AFF4: variants seen among roughly 807,000 people sequenced by gnomAD.
AFF4 encodes the protein AF4/FMR2 family member 4.
A neutral mutation model predicts 124.8 loss-of-function variants in AFF4; 13 were observed. That is an observed-to-expected ratio of 0.10 (90% CI 0.07 to 0.17). The LOEUF (loss-of-function observed/expected upper bound fraction) is 0.17. Among genes scored for constraint, AFF4 ranks in the 10% least tolerant of loss-of-function variants. AFF4 has a pLI of 1.00. For missense variants in AFF4, 1,092 were observed against 1,403.8 expected (o/e 0.78, Z 3.55); for synonymous variants, 477 against 496.1 (o/e 0.96, Z 0.51).
chr5:132,922,354 A>C (rs908673726), intron 5 of AFF4, among the ~76,000 whole-genome samples: 5 of 151,756 alleles, frequency 3.3e-5, no homozygotes, highest in African/African-American at 1.2e-4. Flanking sequence ...GGAGTTCGTG[A>C]GTGCAATGAG....
intron 1 of AFF4, chr5:132,948,830 G>A (rs1761760275): frequency 1.3e-5 from 2 of 153,186 alleles, no homozygotes; most frequent in Non-Finnish European, 1.5e-5. Context: ...TTGCCTGTTT[G>A]GGGCATCAGC....
chr5:132,925,340 C>T (rs1304413162), intron 5 of AFF4, among the ~76,000 whole-genome samples: 2 of 151,336 alleles, frequency 1.3e-5, no homozygotes, highest in East Asian at 3.9e-4. Context: ...AAACTAAAAA[C>T]CACATTAAAA....
intron 7 of AFF4, among the ~76,000 whole-genome samples, chr5:132,900,562 AAAAAC>A (rs1429238357): frequency 6.6e-6 from 1 of 152,198 alleles, no homozygotes; most frequent in African/African-American, 2.4e-5. Context: ...TCTGTCTCAA[AAAAAC>A]AAAACAAAAC....
At chr5:132,949,638 A>G (rs1308611425) in intron 1 of AFF4, among the ~76,000 whole-genome samples, 3 of 151,632 alleles carry the variant, frequency 2.0e-5, no homozygotes, top group Admixed American at 2.0e-4. Context: ...TCACGAGGCC[A>G]GGAGATTGAG....
chr5:132,876,485 T>C lies in AFF4; in HGVS notation c.*4574A>G, dbSNP rs920024674. 8 of 220,118 alleles carry C rather than the reference T, an allele frequency of 3.6e-5. No homozygotes were observed. Among genetic ancestry groups the C allele is most frequent in the Non-Finnish European group, 7.3e-5 (8 of 109,626 alleles). The allele number at this position is 220,118 out of a possible 1,614,324, so 13.6% of individuals were successfully genotyped here. A position where few individuals can be genotyped will look rare whatever the true frequency, so the allele number is the denominator to read the frequency against. Reference sequence around the variant, plus strand: ...CTAGAGTTTCTGGGTGGGAGCTTTTTTATTTTTAAGAATGGCAAGTTATGT... The same window carrying C: ...CTAGAGTTTCTGGGTGGGAGCTTTTCTATTTTTAAGAATGGCAAGTTATGT... On this transcript the variant is annotated 3_prime_UTR_variant, in exon 21 of 21. Transcript: ENST00000265343.
chr5:132,959,747 G>C (rs925050920), intron 1 of AFF4, among the ~76,000 whole-genome samples: 2 of 148,860 alleles, frequency 1.3e-5, no homozygotes, highest in African/African-American at 5.0e-5. Context: ...CAACAAGTAG[G>C]AGTGCTTTTC....
chr5:132,888,272 T>C, intron 14 of AFF4, 112 bp from the exon 15 acceptor site: 1 of 750,678 alleles, frequency 1.3e-6, no homozygotes, highest in Non-Finnish European at 2.1e-6. Context: ...GAAAATGAGC[T>C]GTTACTAAGA....
At chr5:132,955,688 G>A (rs779339796) in intron 1 of AFF4, among the ~76,000 whole-genome samples, 42 of 147,940 alleles carry the variant, frequency 2.8e-4, no homozygotes, top group South Asian at 8.4e-4. Flanking sequence ...TGAGGCAGGA[G>A]AATCGCTTGA....
Position 132,880,745 on chromosome 5 carries a change from A to T in AFF4, c.*314T>A, listed in dbSNP as rs1020514486. On this transcript the variant is annotated 3_prime_UTR_variant, in exon 21 of 21. Transcript: ENST00000265343. ...TAGCCCCAATCTGGGAACTTAAAAA[A>T]ATTAAAATAAATAAAATTTCAATTC... The T allele has an allele frequency of 2.8e-5, 8 of 288,694 alleles. No individual in the cohort carries two copies. Among genetic ancestry groups the T allele is most frequent in the Non-Finnish European group, 4.5e-5 (7 of 157,150 alleles). 17.9% of individuals were successfully genotyped at this position (288,694 alleles called of 1,614,324 possible).
At chr5:132,936,162 G>T (rs537308386) in intron 2 of AFF4, among the ~76,000 whole-genome samples, 11 of 149,634 alleles carry the variant, frequency 7.4e-5, no homozygotes, top group Non-Finnish European at 1.3e-4. Flanking sequence ...AGCTACTCTG[G>T]AGGCTTAGGC....
rs139287534 is a variant in AFF4, at chr5:132,921,556, C to T, written c.1050+5565G>A. Among the ~76,000 whole-genome samples, 22 of 151,876 alleles carry T rather than the reference C, an allele frequency of 1.4e-4. No homozygotes were observed. The East Asian group carries it at 4.1e-3, about 28-fold the overall frequency. On this transcript the variant is annotated intron_variant, in intron 5 of 20. Transcript: ENST00000265343. The stretch of plus-strand genomic sequence containing the variant: ...CGATCTCGGCTCACTGCAACCTCCA[C>T]CTCCCAGCTTCAAGTGATTCTCCTG...
At chr5:132,890,432 C>A (rs1408355935) in intron 13 of AFF4, among the ~76,000 whole-genome samples, 1 of 151,996 alleles carries the variant, frequency 6.6e-6, no homozygotes, top group Admixed American at 6.6e-5. Context: ...CCATGCCTGG[C>A]CCCCTCTATG....
chr5:132,924,899 G>C (rs1020882457), intron 5 of AFF4, among the ~76,000 whole-genome samples: 2 of 151,886 alleles, frequency 1.3e-5, no homozygotes, highest in African/African-American at 4.8e-5. Flanking sequence ...GCATTGGCCA[G>C]GTGCGTTGGC....
At chr5:132,901,651 A>G (rs994261945) in intron 7 of AFF4, among the ~76,000 whole-genome samples, 1 of 152,240 alleles carries the variant, frequency 6.6e-6, no homozygotes, top group African/African-American at 2.4e-5. Context: ...AAAAATAAGA[A>G]AACTTAAAGA....
chr5:132,949,700 A>ACACG (rs775970739), intron 1 of AFF4, among the ~76,000 whole-genome samples: 7,737 of 146,480 alleles, frequency 0.053, 337 homozygotes, highest in African/African-American at 0.11. Flanking sequence ...ACACACACAC[A>ACACG]CGCGCGCGCG....
At chr5:132,949,714 G>A (rs930579408) in intron 1 of AFF4, among the ~76,000 whole-genome samples, 11 of 151,358 alleles carry the variant, frequency 7.3e-5, no homozygotes, top group Admixed American at 2.0e-4. Context: ...GCGCGCGCGC[G>A]CGCCAGGCGT....
intron 5 of AFF4, 22 bp downstream of exon 5, chr5:132,927,099 A>C: frequency 6.3e-7 from 1 of 1,597,626 alleles, no homozygotes; most frequent in Non-Finnish European, 8.6e-7. Context: ...TACATTATGA[A>C]AGATACATTT....
chr5:132,949,847 C>CA lies in AFF4; in HGVS notation c.-4-12655dup, dbSNP rs113489900. ...ACTGCACTAGAGCGAGACTCTGTCT[C>CA]AAAAAAAAAAAAAAAAAAAAGTAAA... On this transcript the variant is annotated intron_variant, in intron 1 of 20. Transcript: ENST00000265343. 5.2e-3 allele frequency among the ~76,000 whole-genome samples: 522 copies of CA among 99,976 alleles called. 7 individuals are homozygous for CA. In the South Asian group the frequency reaches 0.055, roughly 10 times the overall value. 65.6% of individuals were successfully genotyped at this position (99,976 alleles called of 152,430 possible).
At chr5:132,941,526 G>A (rs1761568369) in intron 1 of AFF4, among the ~76,000 whole-genome samples, 1 of 151,980 alleles carries the variant, frequency 6.6e-6, no homozygotes, top group Admixed American at 6.6e-5. Context: ...TGTAGGGACA[G>A]GGTTTCGCAA....
Sources: gnomAD v4.1 joint callset for allele counts (sites outside exome capture counted in the v4.1 genomes callset) on GRCh38, gnomAD v4.1.1 for gene constraint, MANE v1.5 for transcripts, NCBI Gene and HGNC (gene_info 2026-07-23, HGNC 2026-07-21) for gene names.